The following TCF7L1 variants were observed in gnomAD, a reference collection of about 807,000 sequenced individuals.
TCF7L1 encodes transcription factor 7 like 1.
TCF7L1 carries 18 observed loss-of-function variants against 63.7 expected under a neutral mutation model. The ratio of observed to expected loss-of-function variants is 0.28; its 90% CI spans 0.20 to 0.42. The LOEUF (loss-of-function observed/expected upper bound fraction) is 0.42, where lower values mean the gene tolerates loss of function less well. Among genes scored for constraint, TCF7L1 ranks in the 10% least tolerant of loss-of-function variants. TCF7L1 has a pLI of 1.00. For synonymous variants in TCF7L1, 355 were observed against 340.9 expected (o/e 1.04, Z -0.46); for missense variants, 654 against 779.3 (o/e 0.84, Z 1.91).
chr2:85,244,962 G>A (rs887302787), intron 3 of TCF7L1, among the ~76,000 whole-genome samples: 12 of 152,282 alleles, frequency 7.9e-5, no homozygotes, highest in East Asian at 1.9e-4. Context: ...GGGAGTGTAC[G>A]AAGGAAGAGG....
chr2:85,168,017 C>T (rs921481145), intron 3 of TCF7L1, among the ~76,000 whole-genome samples: 10 of 152,186 alleles, frequency 6.6e-5, no homozygotes, highest in Non-Finnish European at 7.3e-5. Flanking sequence ...ACTTAAAGAA[C>T]GCTGGTTGCC....
chr2:85,190,841 G>C (rs1298144350), intron 3 of TCF7L1, among the ~76,000 whole-genome samples: 1 of 152,116 alleles, frequency 6.6e-6, no homozygotes, highest in Admixed American at 6.6e-5. Context: ...TTTAAGGTAG[G>C]AAAGGTTATT....
At chr2:85,256,251 G>A (rs1471302387) in intron 3 of TCF7L1, among the ~76,000 whole-genome samples, 4 of 143,294 alleles carry the variant, frequency 2.8e-5, no homozygotes, top group South Asian at 5.1e-4. Context: ...TCCGCGCGCC[G>A]AAGGCTGCTC....
intron 3 of TCF7L1, among the ~76,000 whole-genome samples, chr2:85,197,244 G>A (rs75957133): frequency 2.8e-4 from 42 of 152,228 alleles, no homozygotes; most frequent in African/African-American, 9.9e-4. Flanking sequence ...AACCCAGTCT[G>A]TACTAAAAAT....
chr2:85,169,363 T>C lies in TCF7L1; in HGVS notation c.441+34913T>C, dbSNP rs1477726619. Among the ~76,000 whole-genome samples the C allele has an allele frequency of 2.1e-5, 3 of 140,180 alleles. No homozygotes were observed. In the Admixed American group the frequency reaches 2.2e-4, roughly 10 times the overall value. The allele number at this position is 140,180 out of a possible 152,430, so 92.0% of individuals were successfully genotyped here. ...CTGCTGTCCACAGTTTCTTTCTTTC[T>C]TTTTTTTTTTTTAATGAGATGGAGT... is the stretch of plus-strand genomic sequence containing the variant. On this transcript the variant is annotated intron_variant, in intron 3 of 11. Coordinates refer to ENST00000282111, the MANE Select transcript of TCF7L1 (RefSeq NM_031283.3).
intron 3 of TCF7L1, among the ~76,000 whole-genome samples, chr2:85,272,369 T>C (rs562402515): frequency 6.6e-6 from 1 of 152,162 alleles, no homozygotes; most frequent in African/African-American, 2.4e-5. Flanking sequence ...AAGAAAAATA[T>C]GAAAAAGGAA....
intron 3 of TCF7L1, among the ~76,000 whole-genome samples, chr2:85,147,367 C>T (rs994257521): frequency 1.3e-5 from 2 of 152,114 alleles, no homozygotes; most frequent in African/African-American, 2.4e-5. Context: ...CTAGGGATTG[C>T]TTGTGTGTCC....
At chr2:85,161,450 C>T (rs1287257905) in intron 3 of TCF7L1, among the ~76,000 whole-genome samples, 8 of 152,038 alleles carry the variant, frequency 5.3e-5, no homozygotes, top group Non-Finnish European at 1.0e-4. Flanking sequence ...GGAGGTGCTT[C>T]GGGGCCGGTG....
chr2:85,276,184 T>C (rs1283653622), intron 3 of TCF7L1, among the ~76,000 whole-genome samples: 1 of 152,230 alleles, frequency 6.6e-6, no homozygotes, highest in Non-Finnish European at 1.5e-5. Context: ...TTTTCCCAAT[T>C]GGGAAAGCTT....
rs111784643 is a variant in TCF7L1 at position 85,288,415 on chromosome 2, G to A, written c.525+4837G>A. Among the ~76,000 whole-genome samples the A allele has an allele frequency of 7.2e-3, 1,094 of 152,268 alleles. 9 individuals carry two copies. The highest frequency in any genetic ancestry group is 0.025 in the African/African-American group (1,039 of 41,540). On this transcript the variant is annotated intron_variant, in intron 4 of 11. Transcript: ENST00000282111. ...AGAGACATCCCAGTTTACTCCATGC[G>A]GCTCTCCAGGCTAGACGTGTGAGCA...
chr2:85,302,871 A>C (rs1215873291), intron 5 of TCF7L1, among the ~76,000 whole-genome samples: 2 of 152,140 alleles, frequency 1.3e-5, no homozygotes, highest in Non-Finnish European at 2.9e-5. Context: ...GCCTGGCTCC[A>C]TAGGCAGTGT....
At chr2:85,283,172 C>G (rs7600828) in intron 3 of TCF7L1, among the ~76,000 whole-genome samples, 47,520 of 151,608 alleles carry the variant, frequency 0.31, 8,021 homozygotes, top group Non-Finnish European at 0.4. Context: ...GGACTTGAGC[C>G]TCACTAGTAG....
intron 3 of TCF7L1, among the ~76,000 whole-genome samples, chr2:85,172,061 C>T (rs546716184): frequency 1.2e-4 from 18 of 152,246 alleles, no homozygotes; most frequent in South Asian, 8.3e-4. Flanking sequence ...GTGTCCTCCC[C>T]GAGGCCTGTT....
intron 4 of TCF7L1, among the ~76,000 whole-genome samples, chr2:85,300,702 A>G (rs995206800): frequency 6.6e-6 from 1 of 152,198 alleles, no homozygotes; most frequent in Non-Finnish European, 1.5e-5. Flanking sequence ...GGAATCTACG[A>G]AATGAAAAAT....
intron 3 of TCF7L1, among the ~76,000 whole-genome samples, chr2:85,268,630 C>T (rs997558555): frequency 1.3e-5 from 2 of 151,872 alleles, no homozygotes; most frequent in South Asian, 2.1e-4. Flanking sequence ...TTCATAGAGA[C>T]GGGGTTTCAC....
intron 3 of TCF7L1, among the ~76,000 whole-genome samples, chr2:85,282,794 T>TGTGTGTGTGTGTGTGTGTGTGTGTG (rs1681448243): frequency 8.4e-6 from 1 of 119,140 alleles, no homozygotes. Flanking sequence ...GAGAGAGAGA[T>TGTGTGTGTGTGTGTGTGTGTGTGTG]TGTGTGTGTG....
At chr2:85,250,259 A>C (rs1191360616) in intron 3 of TCF7L1, among the ~76,000 whole-genome samples, 1 of 152,202 alleles carries the variant, frequency 6.6e-6, no homozygotes, top group Non-Finnish European at 1.5e-5. Flanking sequence ...AGGAGATGCC[A>C]GTACACCAGT....
intron 3 of TCF7L1, among the ~76,000 whole-genome samples, chr2:85,224,240 A>C (rs1011131970): frequency 6.6e-6 from 1 of 152,262 alleles, no homozygotes; most frequent in Non-Finnish European, 1.5e-5. Context: ...ATAGTGCCAC[A>C]GTAAACATAC....
chr2:85,230,933 A>T (rs1019750383), intron 3 of TCF7L1, among the ~76,000 whole-genome samples: 1 of 152,172 alleles, frequency 6.6e-6, no homozygotes, highest in Non-Finnish European at 1.5e-5. Flanking sequence ...AAATGCCTAA[A>T]ACTTTCCAAA....
Sources: allele counts gnomAD v4.1 joint callset (sites outside exome capture counted in the v4.1 genomes callset), GRCh38; gene constraint gnomAD v4.1.1; transcripts MANE v1.5; gene names NCBI Gene and HGNC (gene_info 2026-07-23, HGNC 2026-07-21).